PARP11: variants seen among roughly 807,000 people sequenced by gnomAD.
PARP11 encodes the protein protein mono-ADP-ribosyltransferase PARP11.
Under a neutral mutation model 42.9 loss-of-function variants are expected in PARP11, and 31 were observed. The ratio of observed to expected loss-of-function variants is 0.72; its 90% CI spans 0.54 to 0.98. The LOEUF is 0.98. Ranked by LOEUF, PARP11 falls within the 50% of genes least tolerant of loss-of-function variation. PARP11 has a pLI of 0.00. For synonymous variants in PARP11, 137 were observed against 127.3 expected (o/e 1.08, Z -0.51); for missense variants, 365 against 413.1 (o/e 0.88, Z 1.01).
Position 3,812,993 on chromosome 12 carries a change from C to T in PARP11, c.701-554G>A, listed in dbSNP as rs907353357. On this transcript the variant is annotated intron_variant, in intron 7 of 7. Coordinates refer to ENST00000228820, the MANE Select transcript of PARP11 (RefSeq NM_020367.6). ...AATTTTTATATTTTTTTAGTAGAGA[C>T]AGGGTTTCACCATGTTGGCCAGGCT... Among the ~76,000 whole-genome samples the T allele has an allele frequency of 1.3e-5, 2 of 152,104 alleles. 1 individual carries two copies. The highest frequency in any genetic ancestry group is 4.1e-4 in the South Asian group (2 of 4,824).
chr12:3,840,288 G>A lies in PARP11; in HGVS notation c.19-10270C>T, dbSNP rs1293192265. On this transcript the variant is annotated intron_variant, in intron 1 of 7. Coordinates refer to ENST00000228820, the MANE Select transcript of PARP11 (RefSeq NM_020367.6). The surrounding 1 kb of genome is among the most constrained non-coding windows in gnomAD (Gnocchi z 4.4). ...GAAAGTACACATCAAAGAACCTCAAGGCACCTCCCCCAGAAAGCTGGAACA... is the reference window on the plus strand; with the variant it reads ...GAAAGTACACATCAAAGAACCTCAAAGCACCTCCCCCAGAAAGCTGGAACA... 5.0e-6 allele frequency: 8 copies of A among 1,614,088 alleles called. No homozygotes were observed. The highest frequency in any genetic ancestry group is 6.8e-6 in the Non-Finnish European group (8 of 1,179,958).
At chr12:3,851,587 A>G (rs12824604) in intron 1 of PARP11, among the ~76,000 whole-genome samples, 21,309 of 152,244 alleles carry the variant, frequency 0.14, 1,766 homozygotes, top group Middle Eastern at 0.21. Flanking sequence ...AGGCTTGAGT[A>G]GGTAAACAAA....
At chr12:3,850,568 A>T (rs183404406) in intron 1 of PARP11, among the ~76,000 whole-genome samples, 34 of 152,332 alleles carry the variant, frequency 2.2e-4, no homozygotes, top group African/African-American at 8.2e-4. Flanking sequence ...AAAATGGTAT[A>T]TGTACAGGCT....
At chr12:3,812,661 C>T (rs1326085551) in intron 7 of PARP11, among the ~76,000 whole-genome samples, 1 of 152,180 alleles carries the variant, frequency 6.6e-6, no homozygotes, top group Non-Finnish European at 1.5e-5. Flanking sequence ...ACAGACCAGT[C>T]CTCACCACCA....
At chr12:3,819,438 T>C (rs1369685284) in intron 6 of PARP11, among the ~76,000 whole-genome samples, 1 of 152,182 alleles carries the variant, frequency 6.6e-6, no homozygotes, top group East Asian at 1.9e-4. Context: ...TCATGCATTG[T>C]AGGATGTTTA....
In PARP11 at chr12:3,839,412, A is replaced by G. The variant is rs902158402; in HGVS notation, c.19-9394T>C. The G allele has an allele frequency of 5.1e-6, 8 of 1,582,660 alleles. No homozygotes were observed. The Middle Eastern group carries it at 8.3e-4, about 164-fold the overall frequency. On this transcript the variant is annotated intron_variant, in intron 1 of 7. Coordinates refer to ENST00000228820, the MANE Select transcript of PARP11 (RefSeq NM_020367.6). Reference sequence around the variant, plus strand: ...TGCGGAAACTGGGCTTGTATCGGAAACTGGTCGCCAAGGACGGGTCGTGCC... The same window carrying G: ...TGCGGAAACTGGGCTTGTATCGGAAGCTGGTCGCCAAGGACGGGTCGTGCC...
At chr12:3,813,963 T>G in intron 7 of PARP11, 74 bp downstream of exon 7, 1 of 1,148,264 alleles carries the variant, frequency 8.7e-7, no homozygotes, top group Non-Finnish European at 1.2e-6. Context: ...CAGTTCATAT[T>G]TATATTTATA....
Position 3,840,111 on chromosome 12 carries a change from T to G in PARP11, c.19-10093A>C. ...AAATTTGGCTGGAGTCTAAACAAGC[T>G]CAGCAAAAACGTGATTATTCCATTG... On this transcript the variant is annotated intron_variant, in intron 1 of 7. Coordinates refer to ENST00000228820, the MANE Select transcript of PARP11 (RefSeq NM_020367.6). The surrounding 1 kb of genome is among the most constrained non-coding windows in gnomAD (Gnocchi z 4.4). 1 of 1,610,496 alleles carries G rather than the reference T, an allele frequency of 6.2e-7. No individual in the cohort carries two copies. Among genetic ancestry groups the G allele is most frequent in the South Asian group, 1.1e-5 (1 of 91,026 alleles).
chr12:3,872,294 C>T (rs1338966389), intron 1 of PARP11, among the ~76,000 whole-genome samples: 1 of 152,078 alleles, frequency 6.6e-6, no homozygotes, highest in Non-Finnish European at 1.5e-5. Context: ...ATAGAGATCT[C>T]CCTGGTCTCT....
At chr12:3,855,816 A>C (rs943987307) in intron 1 of PARP11, among the ~76,000 whole-genome samples, 6 of 152,224 alleles carry the variant, frequency 3.9e-5, no homozygotes, top group Non-Finnish European at 5.9e-5. Flanking sequence ...CCACATTGCC[A>C]AGACAATCCT....
At chr12:3,841,957 A>G in intron 1 of PARP11, 1 of 1,609,656 alleles carries the variant, frequency 6.2e-7, no homozygotes, top group Non-Finnish European at 8.5e-7. Flanking sequence ...AGCAAGTGTG[A>G]GCAGTAAGCC....
At chr12:3,855,869 T>G (rs148065105) in intron 1 of PARP11, among the ~76,000 whole-genome samples, 224 of 152,254 alleles carry the variant, frequency 1.5e-3, no homozygotes, top group African/African-American at 5.2e-3. Context: ...CTACCTGATT[T>G]CAAACTATAC....
At chr12:3,829,399 T>C (rs1414408946) in intron 2 of PARP11, among the ~76,000 whole-genome samples, 1 of 152,194 alleles carries the variant, frequency 6.6e-6, no homozygotes, top group East Asian at 1.9e-4. Context: ...AGGTTTTGAG[T>C]GCGGATTCAA....
At chr12:3,858,540 C>G (rs926836974) in intron 1 of PARP11, among the ~76,000 whole-genome samples, 3 of 152,198 alleles carry the variant, frequency 2.0e-5, no homozygotes, top group African/African-American at 7.2e-5. Context: ...TTCCTCGCCC[C>G]TATAGGAGCC....
intron 1 of PARP11, among the ~76,000 whole-genome samples, chr12:3,846,922 A>C (rs985147856): frequency 6.6e-6 from 1 of 151,934 alleles, no homozygotes; most frequent in African/African-American, 2.4e-5. Flanking sequence ...CTGTCTCTGC[A>C]CAAAATTTAA....
chr12:3,854,579 A>C (rs190721139), intron 1 of PARP11, among the ~76,000 whole-genome samples: 2 of 152,324 alleles, frequency 1.3e-5, no homozygotes, highest in Admixed American at 6.5e-5. Context: ...TCCCAAGACT[A>C]AACCAGGAAG....
rs1053235853 is a variant in PARP11, at chr12:3,810,840, GAGA to G, written c.*1280_*1282del. The G allele has an allele frequency of 3.3e-5, 5 of 152,150 alleles. No homozygotes were observed. The highest frequency in any genetic ancestry group is 9.7e-5 in the African/African-American group (4 of 41,406). The allele number at this position is 152,150 out of a possible 1,614,324, so 9.4% of individuals were successfully genotyped here. The stretch of plus-strand genomic sequence containing the variant: ...AGAAGAGAAGAGAAAGAGGAGAGAA[GAGA>G]AGGAGGAGAGAAGAGGAGAAAAGGA... On this transcript the variant is annotated 3_prime_UTR_variant, in exon 8 of 8. Coordinates refer to ENST00000228820, the MANE Select transcript of PARP11 (RefSeq NM_020367.6).
chr12:3,838,928 C>T (rs1203759484), intron 1 of PARP11, among the ~76,000 whole-genome samples: 1 of 152,264 alleles, frequency 6.6e-6, no homozygotes, highest in African/African-American at 2.4e-5. Context: ...CGCTTCACAC[C>T]GGTACAGACG....
intron 1 of PARP11, chr12:3,832,238 C>T: frequency 3.8e-6 from 1 of 263,388 alleles, no homozygotes; most frequent in African/African-American, 2.3e-5. Flanking sequence ...TAAAGCACTT[C>T]AAATCTTATA....
Sources: allele counts gnomAD v4.1 joint callset (sites outside exome capture counted in the v4.1 genomes callset), GRCh38; gene constraint gnomAD v4.1.1; non-coding constraint Gnocchi (gnomAD v3.1); transcripts MANE v1.5; gene names NCBI Gene and HGNC (gene_info 2026-07-23, HGNC 2026-07-21).